The following KTN1 variants were observed in gnomAD, a reference collection of about 807,000 sequenced individuals.
KTN1 encodes kinectin.
Under a neutral mutation model 222.5 loss-of-function variants are expected in KTN1, and 130 were observed. That is an observed-to-expected ratio of 0.58 (90% CI 0.51 to 0.68). KTN1 has a LOEUF of 0.68. KTN1 is among the 30% of genes least tolerant of loss of function. The pLI, the probability that KTN1 is intolerant of heterozygous loss-of-function variation, is 0.00. For missense variants in KTN1, 1,508 were observed against 1,500.4 expected (o/e 1.01, Z -0.08); for synonymous variants, 512 against 496.3 (o/e 1.03, Z -0.42).
intron 3 of KTN1, 114 bp from the exon 4 acceptor site, chr14:55,617,850 G>T: frequency 1.3e-6 from 1 of 767,432 alleles, no homozygotes; most frequent in Non-Finnish European, 2.1e-6. Flanking sequence ...AAACCAATTT[G>T]AGCTACCAGT....
chr14:55,640,414 A>G lies in KTN1; in HGVS notation c.1955A>G (p.Gln652Arg), dbSNP rs1183935162. 2 of 1,608,348 alleles carry G rather than the reference A, an allele frequency of 1.2e-6. No homozygotes were observed. Among genetic ancestry groups the G allele is most frequent in the South Asian group, 1.1e-5 (1 of 90,414 alleles). The change falls in exon 15 of 44, where the codon CAG becomes CGG. Residue 652 changes from glutamine (Q) to arginine (R), a missense_variant. Transcript: ENST00000395314. Reference protein sequence around the residue: ...NMNFLLKAEVQKLQALANEQA... With the variant: ...NMNFLLKAEVRKLQALANEQA... The stretch of plus-strand genomic sequence containing the variant: ...AATTTCTTATTAAAAGCTGAAGTGC[A>G]GAAATTACAGGCCCTGGCAAATGAG...
At chr14:55,653,997 G>T (rs2043198777) in intron 28 of KTN1, among the ~76,000 whole-genome samples, 1 of 152,090 alleles carries the variant, frequency 6.6e-6, no homozygotes. Context: ...TCTTGATAAT[G>T]AATTTTAAAC....
chr14:55,623,580 A>G (rs771193661), intron 5 of KTN1, among the ~76,000 whole-genome samples: 27 of 152,280 alleles, frequency 1.8e-4, no homozygotes, highest in Non-Finnish European at 2.6e-4. Flanking sequence ...TGTGTTGCCT[A>G]TGCTGGTTTC....
At chr14:55,668,188 A>G (rs573704295) in intron 34 of KTN1, 3 of 152,248 alleles carry the variant, frequency 2.0e-5, no homozygotes, top group South Asian at 2.1e-4. Flanking sequence ...AATTTTGTAT[A>G]GTATGCATTT....
intron 22 of KTN1, 46 bp from the exon 23 acceptor site, chr14:55,650,282 G>A: frequency 8.0e-7 from 1 of 1,250,310 alleles, no homozygotes; most frequent in South Asian, 1.4e-5. Context: ...ATCTTGGTGG[G>A]TCTTGGTGAT....
intron 38 of KTN1, 67 bp from the exon 39 acceptor site, chr14:55,672,862 G>C: frequency 7.7e-7 from 1 of 1,292,752 alleles, no homozygotes; most frequent in Non-Finnish European, 1.1e-6. Flanking sequence ...TCATAATTTT[G>C]TCTTGTGGGG....
rs71448461 is a variant in KTN1 at position 55,631,341 on chromosome 14, G to GAGATAGATATAT, written c.1221+1245_1221+1246insGATAGATATATA. ...CTAAAACTCACCTATTGATAAGGTT[G>GAGATAGATATAT]ATATATATATATATATATATATATA... On this transcript the variant is annotated intron_variant, in intron 7 of 43. Coordinates refer to ENST00000395314, the MANE Select transcript of KTN1 (RefSeq NM_001079521.2). Among the ~76,000 whole-genome samples, 354 of 114,680 alleles carry GAGATAGATATAT rather than the reference G, an allele frequency of 3.1e-3. 6 individuals are homozygous for GAGATAGATATAT. The highest frequency in any genetic ancestry group is 4.8e-3 in the Non-Finnish European group (275 of 57,818). The allele number at this position is 114,680 out of a possible 152,430, so 75.2% of individuals were successfully genotyped here. A position where few individuals can be genotyped will look rare whatever the true frequency, so the allele number is the denominator to read the frequency against.
intron 1 of KTN1, among the ~76,000 whole-genome samples, chr14:55,598,065 CTCT>C (rs1360889010): frequency 1.3e-5 from 2 of 152,148 alleles, no homozygotes; most frequent in Non-Finnish European, 2.9e-5. Flanking sequence ...TTTGCTAGCA[CTCT>C]TCTTTGTGCA....
rs1010438359 is a variant in KTN1 at position 55,671,869 on chromosome 14, A to G, written c.3523A>G (p.Ile1175Val). 8 of 1,564,470 alleles carry G rather than the reference A, an allele frequency of 5.1e-6. No individual in the cohort carries two copies. Among genetic ancestry groups the G allele is most frequent in the Non-Finnish European group, 7.0e-6 (8 of 1,135,180 alleles). Residue 1175 changes from isoleucine (I) to valine (V), a missense_variant, in exon 37 of 44, where the codon ATT becomes GTT. Transcript: ENST00000395314. ...KVKVDESHKTIKQMQSSFTSS... is the reference protein window; with the variant it reads ...KVKVDESHKTVKQMQSSFTSS... ...TAAGGTCGATGAATCACACAAGACT[A>G]TTAAACAGGTATTTACAAAAGAAAA...
intron 1 of KTN1, among the ~76,000 whole-genome samples, chr14:55,583,685 C>G (rs899072237): frequency 3.9e-5 from 6 of 152,140 alleles, no homozygotes; most frequent in African/African-American, 7.2e-5. Context: ...ACAATCTTAT[C>G]CAGTGTCATG....
At chr14:55,656,503 T>C (rs1478408903) in intron 29 of KTN1, among the ~76,000 whole-genome samples, 1 of 152,178 alleles carries the variant, frequency 6.6e-6, no homozygotes. Flanking sequence ...CTTGCTGTGT[T>C]GCTCAGGCTG....
intron 1 of KTN1, among the ~76,000 whole-genome samples, chr14:55,588,626 A>C (rs904953219): frequency 6.6e-6 from 1 of 152,180 alleles, no homozygotes; most frequent in Non-Finnish European, 1.5e-5. Context: ...AGTAATACCA[A>C]CAGGAGGTGG....
intron 42 of KTN1, chr14:55,678,773 A>T: frequency 3.8e-6 from 1 of 264,198 alleles, no homozygotes; most frequent in Admixed American, 4.7e-5. Flanking sequence ...CTCCTGTCAG[A>T]TCAGTGGCAG....
At chr14:55,625,726 A>G (rs568771761) in intron 5 of KTN1, among the ~76,000 whole-genome samples, 1 of 152,310 alleles carries the variant, frequency 6.6e-6, no homozygotes, top group African/African-American at 2.4e-5. Flanking sequence ...TTGTACTCAA[A>G]TAATAGTTTG....
intron 14 of KTN1, 100 bp from the exon 15 acceptor site, chr14:55,640,274 A>G: frequency 1.2e-6 from 1 of 813,410 alleles, no homozygotes; most frequent in South Asian, 1.6e-5. Context: ...GAAATTTTGT[A>G]AGTTGAGACA....
intron 1 of KTN1, among the ~76,000 whole-genome samples, chr14:55,581,794 A>G (rs1182376262): frequency 6.7e-6 from 1 of 150,212 alleles, no homozygotes; most frequent in Non-Finnish European, 1.5e-5. Context: ...ACTTGGGATA[A>G]TGATCCCAAG....
intron 18 of KTN1, among the ~76,000 whole-genome samples, chr14:55,645,933 C>CA (rs991578080): frequency 2.0e-5 from 3 of 151,430 alleles, no homozygotes; most frequent in Non-Finnish European, 4.4e-5. Context: ...TTGGGAAAAA[C>CA]AAAAAAATGG....
chr14:55,592,328 T>G (rs1317045701), intron 1 of KTN1, among the ~76,000 whole-genome samples: 4 of 152,254 alleles, frequency 2.6e-5, no homozygotes, highest in Non-Finnish European at 5.9e-5. Context: ...TTTCAGTTTT[T>G]AAGGGCTAAA....
intron 32 of KTN1, chr14:55,662,763 G>T: frequency 5.7e-6 from 2 of 352,408 alleles, no homozygotes; most frequent in South Asian, 2.2e-5. Context: ...CCCTGAGTTT[G>T]TCAAAATTAG....
Sources: allele counts gnomAD v4.1 joint callset (sites outside exome capture counted in the v4.1 genomes callset), GRCh38; gene constraint gnomAD v4.1.1; transcripts MANE v1.5; gene names NCBI Gene and HGNC (gene_info 2026-07-23, HGNC 2026-07-21).